Variants in MMP15 observed in about 807,000 individuals in gnomAD.
MMP15 encodes the protein matrix metallopeptidase 15.
MMP15 carries 36 observed loss-of-function variants against 65.0 expected under a neutral mutation model. The ratio of observed to expected loss-of-function variants is 0.55; its 90% confidence interval spans 0.42 to 0.73. MMP15 has a LOEUF of 0.73. MMP15 is among the 30% of genes least tolerant of loss of function. The probability of loss-of-function intolerance (pLI) is 0.00; values close to 1 mark genes in which losing one functional copy is unlikely to be tolerated. For missense variants in MMP15, 870 were observed against 987.8 expected, an observed-to-expected ratio of 0.88 and a Z score of 1.60; for synonymous variants, 428 against 410.2, an observed-to-expected ratio of 1.04 and a Z score of -0.52.
Position 58,039,934 on chromosome 16 carries a change from C to T in MMP15, c.500C>T (p.Ala167Val). The change falls in exon 4 of 10, where the codon GCC (alanine) becomes GTC (valine). Residue 167 changes from alanine to valine, a missense_variant. Coordinates refer to ENST00000219271, the MANE Select transcript of MMP15 (RefSeq NM_002428.4). Reference protein sequence around the residue: ...WYHSMEAVRRAFRVWEQATPL... With the variant: ...WYHSMEAVRRVFRVWEQATPL... ...CACTCGATGGAGGCGGTGCGCAGGG[C>T]CTTCCGCGTGTGGGAGCAGGCCACG... 1 of 1,613,254 alleles carries T rather than the reference C, an allele frequency of 6.2e-7. No homozygotes were observed. The highest frequency in any genetic ancestry group is 8.5e-7 in the Non-Finnish European group (1 of 1,179,690).
chr16:58,045,195 G>A lies in MMP15; in HGVS notation c.1759G>A (p.Ala587Thr). 9 of 1,593,162 alleles carry A rather than the reference G, an allele frequency of 5.6e-6. No homozygotes were observed. The highest frequency in any genetic ancestry group is 1.3e-5 in the African/African-American group (1 of 74,926). ...FNPHGGAEPG[A>T]DSAEGDVGDG... ...CCCCCACGGGGGTGCAGAGCCCGGG[G>A]CGGACAGCGCAGAGGGCGACGTGGG... The change falls in exon 10 of 10, where the codon GCG becomes ACG. Residue 587 changes from alanine to threonine, a missense_variant. Physicochemically the swap from Ala to Thr is moderately conservative, Grantham distance 58 (BLOSUM62 0). Coordinates refer to ENST00000219271, the MANE Select transcript of MMP15 (RefSeq NM_002428.4).
chr16:58,044,713 A>G (rs1030603082), intron 9 of MMP15, among the ~76,000 whole-genome samples: 1 of 152,204 alleles, frequency 6.6e-6, no homozygotes, highest in African/African-American at 2.4e-5. Context: ...GGGAAGGGGC[A>G]GCAGGATCCC....
intron 1 of MMP15, among the ~76,000 whole-genome samples, chr16:58,035,221 T>TG (rs1959306859): frequency 1.3e-5 from 2 of 152,200 alleles, no homozygotes; most frequent in African/African-American, 4.8e-5. Context: ...ACAGGAGCCT[T>TG]GGGAGAGGTT....
At chr16:58,041,008 G>T (rs767062879) in intron 5 of MMP15, 6 of 469,754 alleles carry the variant, frequency 1.3e-5, no homozygotes, top group Non-Finnish European at 1.6e-5. Flanking sequence ...ACAAGTGCCT[G>T]GGGGATCCCA....
intron 1 of MMP15, among the ~76,000 whole-genome samples, chr16:58,027,839 C>T (rs900285580): frequency 2.0e-5 from 3 of 152,008 alleles, no homozygotes; most frequent in African/African-American, 7.2e-5. Flanking sequence ...ATAGGAGCCC[C>T]GCCCCGACCC....
In MMP15 at chr16:58,037,460, GCTT is replaced by G. The variant is rs773518132; in HGVS notation, c.163-8_163-6del. The G allele has an allele frequency of 2.5e-6, 4 of 1,612,930 alleles. No homozygotes were observed. Among genetic ancestry groups the G allele is most frequent in the Non-Finnish European group, 3.4e-6 (4 of 1,179,296 alleles). On this transcript the variant is annotated splice_polypyrimidine_tract_variant and intron_variant, in intron 1 of 9. Transcript: ENST00000219271. ...GCCAGGACCTGCTGACAGAGTTGCG[GCTT>G]CTTTGCAGAACTGGCTGCGGCTTTA...
At chr16:58,038,462 A>G in intron 3 of MMP15, 68 bp downstream of exon 3, 1 of 1,597,718 alleles carries the variant, frequency 6.3e-7, no homozygotes, top group Non-Finnish European at 8.5e-7. Flanking sequence ...CTCCTTTCCC[A>G]GAGCCCACCT....
rs772236366 is a variant in MMP15 at position 58,043,378 on chromosome 16, C to G, written c.1454+18C>G. On this transcript the variant is annotated intron_variant, in intron 8 of 9. Transcript: ENST00000219271. ...GAGGACAGGTGAGCAGTGCGTCCCT[C>G]CCCTAAGGGGAGAAGGCCCCATCTA... 2.5e-6 allele frequency: 4 copies of G among 1,599,510 alleles called. No homozygotes were observed. The East Asian group carries it at 9.0e-5, about 36-fold the overall frequency.
At chr16:58,027,820 G>A (rs1412806442) in intron 1 of MMP15, among the ~76,000 whole-genome samples, 1 of 152,134 alleles carries the variant, frequency 6.6e-6, no homozygotes, top group Non-Finnish European at 1.5e-5. Context: ...GGCCCTGGTG[G>A]GAGGCAGGAT....
At chr16:58,044,216 C>G (rs528379379) in intron 9 of MMP15, among the ~76,000 whole-genome samples, 204 of 152,282 alleles carry the variant, frequency 1.3e-3, no homozygotes, top group African/African-American at 4.7e-3. Flanking sequence ...GAGGCCGATG[C>G]GAGAGGATCG....
intron 3 of MMP15, 128 bp downstream of exon 3, chr16:58,038,522 C>A: frequency 8.4e-7 from 1 of 1,191,894 alleles, no homozygotes; most frequent in Non-Finnish European, 1.2e-6. Context: ...ATGAGACCAG[C>A]CACACACGCC....
chr16:58,038,795 C>T (rs1203889526), intron 3 of MMP15, among the ~76,000 whole-genome samples: 1 of 152,182 alleles, frequency 6.6e-6, no homozygotes, highest in Non-Finnish European at 1.5e-5. Context: ...GCAAGAAAAC[C>T]CTCCAGCCAA....
rs1320261999 is a variant in MMP15 at position 58,045,382 on chromosome 16, T to G, written c.1946T>G (p.Met649Arg). 61 of 1,588,916 alleles carry G rather than the reference T, an allele frequency of 3.8e-5. No homozygotes were observed. In the Admixed American group the frequency reaches 1.1e-3, roughly 29 times the overall value. ...VLGLTYALVQ[M>R]QRKGAPRVLL... ...GGCCTCACCTACGCGCTGGTGCAGA[T>G]GCAGCGCAAGGGTGCGCCACGTGTC... The change falls in exon 10 of 10, where the codon ATG becomes AGG. Residue 649 changes from methionine to arginine, a missense_variant. Transcript: ENST00000219271.
intron 1 of MMP15, among the ~76,000 whole-genome samples, chr16:58,031,853 C>CTTTTTTTTTTTT (rs749779284): frequency 1.7e-5 from 1 of 57,746 alleles, no homozygotes; most frequent in African/African-American, 8.3e-5. Context: ...TCGATGCCGC[C>CTTTTTTTTTTTT]TTTTTTTTTT....
At position 58,040,108 on chromosome 16, in the gene MMP15, C is replaced by T. The variant is rs1263873440; in HGVS notation, c.674C>T (p.Pro225Leu). The change falls in exon 4 of 10, where the codon CCT (proline) becomes CTT (leucine). Residue 225 changes from proline (P) to leucine (L), a missense_variant. Transcript: ENST00000219271. ...GGCTTTCTGGCCCACGCCTATTTCC[C>T]TGGCCCCGGCCTAGGCGGGGACACC... ...TGGFLAHAYF[P>L]GPGLGGDTHF... 1.2e-6 allele frequency: 2 copies of T among 1,613,982 alleles called. No individual in the cohort carries two copies. The highest frequency in any genetic ancestry group is 8.5e-7 in the Non-Finnish European group (1 of 1,180,048).
intron 1 of MMP15, among the ~76,000 whole-genome samples, chr16:58,029,600 C>T (rs1477577502): frequency 6.6e-6 from 1 of 152,220 alleles, no homozygotes; most frequent in Non-Finnish European, 1.5e-5. Flanking sequence ...GCCATGTTTC[C>T]GAGTTGGGGC....
At chr16:58,029,370 C>T (rs1672995197) in intron 1 of MMP15, among the ~76,000 whole-genome samples, 1 of 152,250 alleles carries the variant, frequency 6.6e-6, no homozygotes, top group South Asian at 2.1e-4. Flanking sequence ...TCTGTGCCCA[C>T]CAGCTAAGAA....
chr16:58,044,139 G>A (rs1205501811), intron 9 of MMP15, among the ~76,000 whole-genome samples: 11 of 152,120 alleles, frequency 7.2e-5, no homozygotes, highest in African/African-American at 2.7e-4. Flanking sequence ...CTCTAGCAAG[G>A]TCTCTAGTGC....
chr16:58,045,753 G>A lies in MMP15; in HGVS notation c.*307G>A, dbSNP rs1310615034. On this transcript the variant is annotated 3_prime_UTR_variant, in exon 10 of 10. Transcript: ENST00000219271. Reference sequence around the variant, plus strand: ...ACAGCCAGGGGAGCAGAGGGGCAGAGGCCCACATTGGAAGAGCAGCACCTC... The same window carrying A: ...ACAGCCAGGGGAGCAGAGGGGCAGAAGCCCACATTGGAAGAGCAGCACCTC... 2 of 385,308 alleles carry A rather than the reference G, an allele frequency of 5.2e-6. No individual in the cohort carries two copies. Among genetic ancestry groups the A allele is most frequent in the Non-Finnish European group, 9.3e-6 (2 of 215,640 alleles). 23.9% of individuals were successfully genotyped at this position (385,308 alleles called of 1,614,324 possible).
Sources: allele counts gnomAD v4.1 joint callset (sites outside exome capture counted in the v4.1 genomes callset), GRCh38; gene constraint gnomAD v4.1.1; transcripts MANE v1.5; gene names NCBI Gene and HGNC (gene_info 2026-07-23, HGNC 2026-07-21).